Variants in KCNJ6 observed in about 807,000 individuals in gnomAD.
KCNJ6 encodes the protein potassium inwardly rectifying channel subfamily J member 6.
In KCNJ6, 9 loss-of-function variants were observed where a neutral mutation model predicts 34.2. That is an observed-to-expected ratio of 0.26 (90% CI 0.16 to 0.46). The LOEUF (loss-of-function observed/expected upper bound fraction) is 0.46, where lower values mean the gene tolerates loss of function less well. KCNJ6 is among the 20% of genes least tolerant of loss of function. KCNJ6 has a pLI of 1.00. For missense variants in KCNJ6, 236 were observed against 531.3 expected (o/e 0.44, Z 5.46); for synonymous variants, 196 against 207.1 (o/e 0.95, Z 0.46).
At chr21:37,910,620 G>A (rs1438507113) in intron 1 of KCNJ6, among the ~76,000 whole-genome samples, 1 of 152,152 alleles carries the variant, frequency 6.6e-6, no homozygotes, top group Non-Finnish European at 1.5e-5. Context: ...CTGTGACTGG[G>A]AATAAGACCG....
chr21:37,756,430 C>T (rs901337328), intron 2 of KCNJ6, among the ~76,000 whole-genome samples: 6 of 152,138 alleles, frequency 3.9e-5, no homozygotes, highest in Non-Finnish European at 8.8e-5. Flanking sequence ...AGGCAGGGGA[C>T]GTGCGTGGAA....
rs557993240 is a variant in KCNJ6, at chr21:37,773,369, A to G, written c.26-58238T>C. 6.6e-5 allele frequency among the ~76,000 whole-genome samples: 10 copies of G among 152,262 alleles called. No homozygotes were observed. In the East Asian group the frequency reaches 1.9e-3, roughly 29 times the overall value. On this transcript the variant is annotated intron_variant, in intron 2 of 3. Coordinates refer to ENST00000609713, the MANE Select transcript of KCNJ6 (RefSeq NM_002240.5). ...GTCTTCATTTTCAAGGGCAGGAACC[A>G]TGTCCTATTTATCTTTATCTCACCA...
At chr21:37,813,617 G>A (rs1042970677) in intron 2 of KCNJ6, among the ~76,000 whole-genome samples, 2 of 152,082 alleles carry the variant, frequency 1.3e-5, no homozygotes, top group African/African-American at 4.8e-5. Flanking sequence ...GCATGAACTC[G>A]TTTTCAACAA....
intron 2 of KCNJ6, chr21:37,716,957 G>C (rs1295233789): frequency 1.3e-5 from 2 of 154,174 alleles, no homozygotes; most frequent in Non-Finnish European, 2.9e-5. Flanking sequence ...TTTAATCTTG[G>C]TTAAAGGACA....
chr21:37,676,045 G>A (rs991945121), intron 3 of KCNJ6, among the ~76,000 whole-genome samples: 2 of 152,256 alleles, frequency 1.3e-5, no homozygotes, highest in African/African-American at 4.8e-5. Flanking sequence ...CATTTTAACA[G>A]GGTCCGTGGG....
chr21:37,653,792 A>C (rs1036632535), intron 3 of KCNJ6, among the ~76,000 whole-genome samples: 3 of 152,190 alleles, frequency 2.0e-5, no homozygotes, highest in African/African-American at 7.2e-5. Flanking sequence ...CATTCTTATC[A>C]GGTTGCACAA....
At chr21:37,876,960 T>C (rs2055681710) in intron 1 of KCNJ6, among the ~76,000 whole-genome samples, 5 of 152,228 alleles carry the variant, frequency 3.3e-5, no homozygotes, top group Admixed American at 3.3e-4. Context: ...AGCTTCACTA[T>C]TTAGTTTTTC....
chr21:37,767,918 T>G (rs1191021328), intron 2 of KCNJ6, among the ~76,000 whole-genome samples: 1 of 152,190 alleles, frequency 6.6e-6, no homozygotes, highest in Non-Finnish European at 1.5e-5. Flanking sequence ...CACCTAAGCT[T>G]GGAAAATGAT....
At chr21:37,628,945 A>G (rs1055180164) in intron 3 of KCNJ6, among the ~76,000 whole-genome samples, 1 of 152,234 alleles carries the variant, frequency 6.6e-6, no homozygotes, top group Non-Finnish European at 1.5e-5. Context: ...CAGCAAAATT[A>G]TCCTTCACAA....
chr21:37,729,277 G>A (rs898950039), intron 2 of KCNJ6, among the ~76,000 whole-genome samples: 7 of 150,466 alleles, frequency 4.7e-5, no homozygotes, highest in African/African-American at 1.5e-4. Context: ...TAAACGCCAC[G>A]TCACTCTGGG....
At position 37,714,154 on chromosome 21, in the gene KCNJ6, G is replaced by T; in HGVS notation, c.946+57C>A. 2 of 1,190,654 alleles carry T rather than the reference G, an allele frequency of 1.7e-6. No homozygotes were observed. The highest frequency in any genetic ancestry group is 2.4e-6 in the Non-Finnish European group (2 of 818,646). 73.8% of individuals were successfully genotyped at this position (1,190,654 alleles called of 1,614,324 possible). A position where few individuals can be genotyped will look rare whatever the true frequency, so the allele number is the denominator to read the frequency against. ...ATCTTGTAATAGATAAGAACATCAG[G>T]TCCAGTTTAAAATGAGCATCTATCC... On this transcript the variant is annotated intron_variant, in intron 3 of 3. Coordinates refer to ENST00000609713, the MANE Select transcript of KCNJ6 (RefSeq NM_002240.5). The surrounding 1 kb of genome is among the most constrained non-coding windows in gnomAD (Gnocchi z 5.9).
chr21:37,638,705 C>T (rs762255053), intron 3 of KCNJ6, among the ~76,000 whole-genome samples: 1 of 152,160 alleles, frequency 6.6e-6, no homozygotes, highest in Non-Finnish European at 1.5e-5. Context: ...ATCTGGGGTC[C>T]TGGCTACCAT....
rs144373853 is a variant in KCNJ6 at position 37,735,939 on chromosome 21, T to C, written c.26-20808A>G. Among the ~76,000 whole-genome samples the C allele has an allele frequency of 4.6e-5, 7 of 152,254 alleles. No homozygotes were observed. The East Asian group carries it at 9.6e-4, about 21-fold the overall frequency. Reference sequence around the variant, plus strand: ...GGAGCCCCATCTATGGGATGAGCCATTGGGAAGCACATGGGGTCAGCACTC... The same window carrying C: ...GGAGCCCCATCTATGGGATGAGCCACTGGGAAGCACATGGGGTCAGCACTC... On this transcript the variant is annotated intron_variant, in intron 2 of 3. Coordinates refer to ENST00000609713, the MANE Select transcript of KCNJ6 (RefSeq NM_002240.5).
At chr21:37,728,911 C>T (rs142231435) in intron 2 of KCNJ6, among the ~76,000 whole-genome samples, 288 of 152,238 alleles carry the variant, frequency 1.9e-3, no homozygotes, top group African/African-American at 4.5e-3. Context: ...TGCCCATCAG[C>T]GACTGGTGAT....
chr21:37,646,682 T>TTA (rs925641411), intron 3 of KCNJ6, among the ~76,000 whole-genome samples: 14 of 33,072 alleles, frequency 4.2e-4, no homozygotes, highest in African/African-American at 2.2e-3. Flanking sequence ...ATTTTTATTT[T>TTA]TTTTTTTGAG....
At chr21:37,859,914 C>T (rs2836025) in intron 1 of KCNJ6, among the ~76,000 whole-genome samples, 14,129 of 152,108 alleles carry the variant, frequency 0.093, 1,045 homozygotes, top group East Asian at 0.38. Flanking sequence ...GGCTTCTTAG[C>T]GTATCTCCTG....
At position 37,717,501 on chromosome 21, in the gene KCNJ6, G is replaced by C. The variant is rs578095775; in HGVS notation, c.26-2370C>G. 2.0e-5 allele frequency among the ~76,000 whole-genome samples: 3 copies of C among 152,358 alleles called. No individual in the cohort carries two copies. In the East Asian group the frequency reaches 5.8e-4, roughly 29 times the overall value. The stretch of plus-strand genomic sequence containing the variant: ...GTTGGGATGTGTGGAGGGAGGCAGA[G>C]GCCATGGCTTTCTCACTGCCGCTAC... On this transcript the variant is annotated intron_variant, in intron 2 of 3. Coordinates refer to ENST00000609713, the MANE Select transcript of KCNJ6 (RefSeq NM_002240.5).
intron 2 of KCNJ6, among the ~76,000 whole-genome samples, chr21:37,789,346 C>T (rs749350949): frequency 3.6e-4 from 54 of 152,082 alleles, no homozygotes; most frequent in Admixed American, 4.6e-4. Context: ...GGGTCTTAAT[C>T]CAACGAAATT....
At chr21:37,670,165 T>G (rs898641416) in intron 3 of KCNJ6, among the ~76,000 whole-genome samples, 3 of 152,212 alleles carry the variant, frequency 2.0e-5, no homozygotes, top group Non-Finnish European at 2.9e-5. Flanking sequence ...GAAAGTCAAT[T>G]ATTCTAAGGT....
Sources: gnomAD v4.1 joint callset for allele counts (sites outside exome capture counted in the v4.1 genomes callset) on GRCh38, gnomAD v4.1.1 for gene constraint, Gnocchi (gnomAD v3.1) non-coding constraint, MANE v1.5 for transcripts, NCBI Gene and HGNC (gene_info 2026-07-23, HGNC 2026-07-21) for gene names.